TMEM87A: variants seen among roughly 807,000 people sequenced by gnomAD.
TMEM87A encodes the protein transmembrane protein 87A.
TMEM87A carries 50 observed loss-of-function variants against 90.0 expected under a neutral mutation model. That is an observed-to-expected ratio of 0.56 (90% confidence interval 0.44 to 0.70). The LOEUF (loss-of-function observed/expected upper bound fraction) is 0.70. Ranked by LOEUF, TMEM87A falls within the 30% of genes least tolerant of loss-of-function variation. The probability of loss-of-function intolerance (pLI) is 0.00; values close to 1 mark genes in which losing one functional copy is unlikely to be tolerated. For missense variants in TMEM87A, 577 were observed against 660.5 expected (o/e 0.87, Z 1.39); for synonymous variants, 226 against 226.7 (o/e 1.00, Z 0.03).
chr15:42,234,809 G>A (rs2050743898), intron 10 of TMEM87A, among the ~76,000 whole-genome samples: 1 of 151,978 alleles, frequency 6.6e-6, no homozygotes, highest in African/African-American at 2.4e-5. Context: ...AAACTCAATG[G>A]CCAATTCTCA....
intron 6 of TMEM87A, among the ~76,000 whole-genome samples, chr15:42,248,518 T>C (rs2051020047): frequency 6.6e-6 from 1 of 152,182 alleles, no homozygotes; most frequent in South Asian, 2.1e-4. Context: ...GTCAAAGGCC[T>C]TTTTGGCATC....
At chr15:42,239,798 A>ATT in intron 7 of TMEM87A, 67 bp from the exon 8 acceptor site, 1 of 1,331,072 alleles carries the variant, frequency 7.5e-7, no homozygotes, top group Non-Finnish European at 1.1e-6. Flanking sequence ...ATTGCCTAAT[A>ATT]TTTGTTTAAT....
At chr15:42,237,303 T>C (rs978807676) in intron 9 of TMEM87A, 129 bp downstream of exon 9, 87 of 852,432 alleles carry the variant, frequency 1.0e-4, no homozygotes, top group Non-Finnish European at 1.4e-4. Flanking sequence ...ATAGTGATTC[T>C]GCTTAAGATA....
At chr15:42,236,514 T>A (rs2050773970) in intron 9 of TMEM87A, 95 bp from the exon 10 acceptor site, 3 of 987,764 alleles carry the variant, frequency 3.0e-6, no homozygotes, top group Non-Finnish European at 4.8e-6. Context: ...CTCTTCAGAA[T>A]AAGCATTGAT....
Position 42,235,563 on chromosome 15 carries a change from T to C in TMEM87A, c.968+757A>G, listed in dbSNP as rs549961335. Among the ~76,000 whole-genome samples, 32 of 152,334 alleles carry C rather than the reference T, an allele frequency of 2.1e-4. No individual in the cohort carries two copies. In the South Asian group the frequency reaches 6.6e-3, roughly 32 times the overall value. On this transcript the variant is annotated intron_variant, in intron 10 of 19. Coordinates refer to ENST00000389834, the MANE Select transcript of TMEM87A (RefSeq NM_015497.5). Reference sequence around the variant, plus strand: ...GGCATCATCCTTAATTCCTCTTCTCTTTCCTATCATACATCTGATCCATCA... The same window carrying C: ...GGCATCATCCTTAATTCCTCTTCTCCTTCCTATCATACATCTGATCCATCA...
At chr15:42,247,295 T>A (rs9673095) in intron 6 of TMEM87A, among the ~76,000 whole-genome samples, 144,805 of 152,220 alleles carry the variant, frequency 0.95, 69,234 homozygotes, top group Non-Finnish European at 1. Flanking sequence ...CTTTAATTAG[T>A]TCTGATTTAT....
At chr15:42,250,948 T>C (rs2051073416) in intron 6 of TMEM87A, among the ~76,000 whole-genome samples, 1 of 152,198 alleles carries the variant, frequency 6.6e-6, no homozygotes, top group African/African-American at 2.4e-5. Context: ...TTTTTACTCT[T>C]TTTTTCTCTA....
Position 42,228,898 on chromosome 15 carries a change from T to G in TMEM87A, c.1132-78A>C, listed in dbSNP as rs2050641756. On this transcript the variant is annotated intron_variant, in intron 12 of 19. Coordinates refer to ENST00000389834, the MANE Select transcript of TMEM87A (RefSeq NM_015497.5). ...ATTAGTTTTCAGGTTTCTTTAAGGATCTGGGGTCATGCCAATAAACTTATA... is the reference window on the plus strand; with the variant it reads ...ATTAGTTTTCAGGTTTCTTTAAGGAGCTGGGGTCATGCCAATAAACTTATA... 43 of 1,029,962 alleles carry G rather than the reference T, an allele frequency of 4.2e-5. No individual in the cohort carries two copies. The East Asian group carries it at 1.0e-3, about 25-fold the overall frequency. The allele number at this position is 1,029,962 out of a possible 1,614,324, so 63.8% of individuals were successfully genotyped here.
In TMEM87A at chr15:42,253,562, A is replaced by T. The variant is rs2051123719; in HGVS notation, c.504+7396T>A. 2.6e-5 allele frequency among the ~76,000 whole-genome samples: 4 copies of T among 152,216 alleles called. No homozygotes were observed. In the South Asian group the frequency reaches 8.3e-4, roughly 31 times the overall value. ...GGAGCCTCCAGGCAGGTGAAAACAC[A>T]CAATGGCAAGTCTTTAAGAAAAAGG... On this transcript the variant is annotated intron_variant, in intron 6 of 19. Transcript: ENST00000389834.
chr15:42,232,470 C>T (rs1443852842), intron 11 of TMEM87A, among the ~76,000 whole-genome samples: 1 of 152,044 alleles, frequency 6.6e-6, no homozygotes, highest in Non-Finnish European at 1.5e-5. Flanking sequence ...ACTTCATTAG[C>T]TGCATTTTTT....
intron 6 of TMEM87A, among the ~76,000 whole-genome samples, chr15:42,255,827 C>T (rs775526364): frequency 6.7e-5 from 10 of 149,674 alleles, no homozygotes; most frequent in Middle Eastern, 3.4e-3. Flanking sequence ...TGGAGTACAA[C>T]GGAACGATCT....
chr15:42,265,002 T>C (rs1244485280), intron 3 of TMEM87A, among the ~76,000 whole-genome samples: 1 of 152,174 alleles, frequency 6.6e-6, no homozygotes, highest in Non-Finnish European at 1.5e-5. Context: ...GGCCTCCAGC[T>C]CCTTCTGTGT....
At chr15:42,236,537 A>G in intron 9 of TMEM87A, 118 bp from the exon 10 acceptor site, 2 of 781,656 alleles carry the variant, frequency 2.6e-6, no homozygotes, top group Non-Finnish European at 4.3e-6. Context: ...TAGTCCTGCT[A>G]AAATAGAATA....
chr15:42,228,339 G>A (rs1418369587), intron 13 of TMEM87A, among the ~76,000 whole-genome samples: 4 of 152,054 alleles, frequency 2.6e-5, no homozygotes, highest in African/African-American at 9.7e-5. Flanking sequence ...CACTATAATA[G>A]CAATGCACCC....
At chr15:42,247,392 T>A (rs929527586) in intron 6 of TMEM87A, among the ~76,000 whole-genome samples, 15 of 152,234 alleles carry the variant, frequency 9.9e-5, no homozygotes, top group African/African-American at 3.6e-4. Flanking sequence ...ATTGCCTAGG[T>A]TTCCTTCTAG....
chr15:42,227,521 A>G, intron 14 of TMEM87A, 190 bp downstream of exon 14: 3 of 490,764 alleles, frequency 6.1e-6, no homozygotes, highest in Non-Finnish European at 1.1e-5. Flanking sequence ...AAAACAAACA[A>G]AAAACTACTA....
rs773780847 is a variant in TMEM87A at position 42,264,111 on chromosome 15, G to A, written c.384C>T (p.Cys128=). The change falls in exon 4 of 20, where the codon TGC becomes TGT. Residue 128 remains cysteine, a synonymous_variant. Transcript: ENST00000389834. ...YQTSSKLFQN[C]SELFKTQTFS... ...TTACCTGTGTTTTAAAGAGTTCACT[G>A]CAGTTCTGGAACAATTTTGATGATG... is the stretch of plus-strand genomic sequence containing the variant. 1.1e-5 allele frequency: 17 copies of A among 1,612,960 alleles called. No individual in the cohort carries two copies. In the South Asian group the frequency reaches 1.9e-4, roughly 18 times the overall value.
chr15:42,215,107 T>A (rs566988015), intron 19 of TMEM87A, among the ~76,000 whole-genome samples: 1 of 152,338 alleles, frequency 6.6e-6, no homozygotes, highest in Non-Finnish European at 1.5e-5. Flanking sequence ...GCTAAAAACC[T>A]GTACAGCATG....
At chr15:42,255,915 G>A (rs931733088) in intron 6 of TMEM87A, among the ~76,000 whole-genome samples, 15 of 149,836 alleles carry the variant, frequency 1.0e-4, no homozygotes, top group Non-Finnish European at 1.8e-4. Flanking sequence ...GATTATAGGC[G>A]TGCGCCACCA....
Sources: allele counts gnomAD v4.1 joint callset (sites outside exome capture counted in the v4.1 genomes callset), GRCh38; gene constraint gnomAD v4.1.1; transcripts MANE v1.5; gene names NCBI Gene and HGNC (gene_info 2026-07-23, HGNC 2026-07-21).